The following WASF2 variants were observed in gnomAD, a reference collection of about 807,000 sequenced individuals.
WASF2 encodes the protein WASP family member 2, also known as actin-binding protein WASF2.
A neutral mutation model predicts 45.0 loss-of-function variants in WASF2; 14 were observed. The ratio of observed to expected loss-of-function variants is 0.31; its 90% CI spans 0.21 to 0.49. WASF2 has a LOEUF of 0.49. WASF2 is among the 20% of genes least tolerant of loss of function. The probability of loss-of-function intolerance (pLI) is 0.99; values close to 1 mark genes in which losing one functional copy is unlikely to be tolerated. For missense variants in WASF2, 439 were observed against 636.1 expected (o/e 0.69, Z 3.33); for synonymous variants, 200 against 236.3 (o/e 0.85, Z 1.41).
At chr1:27,421,493 T>C (rs769314280) in intron 2 of WASF2, among the ~76,000 whole-genome samples, 19 of 151,414 alleles carry the variant, frequency 1.3e-4, no homozygotes, top group Non-Finnish European at 2.2e-4. Flanking sequence ...GCATGGGCAA[T>C]ATGGCAAAAC....
intron 2 of WASF2, among the ~76,000 whole-genome samples, chr1:27,424,699 T>C (rs956372690): frequency 1.3e-5 from 2 of 152,176 alleles, no homozygotes; most frequent in African/African-American, 4.8e-5. Context: ...TTCGTTTATA[T>C]TTTGTAGAGA....
chr1:27,419,208 C>T, intron 2 of WASF2, 120 bp from the exon 3 acceptor site: 2 of 1,102,444 alleles, frequency 1.8e-6, no homozygotes, highest in Admixed American at 2.2e-5. Context: ...ACACACATAC[C>T]CTAAGACGGT....
At chr1:27,467,631 CG>C (rs1198088543) in intron 1 of WASF2, among the ~76,000 whole-genome samples, 1 of 149,758 alleles carries the variant, frequency 6.7e-6, no homozygotes, top group African/African-American at 2.4e-5. Flanking sequence ...AATGAATTTC[CG>C]GGGGGCGCAG....
chr1:27,452,281 A>C (rs533275937), intron 1 of WASF2, among the ~76,000 whole-genome samples: 1 of 152,260 alleles, frequency 6.6e-6, no homozygotes, highest in Non-Finnish European at 1.5e-5. Context: ...TTGGGAGACC[A>C]AGGCGGGTGG....
chr1:27,481,298 C>T (rs372835626), intron 1 of WASF2, among the ~76,000 whole-genome samples: 15 of 151,626 alleles, frequency 9.9e-5, no homozygotes, highest in African/African-American at 3.6e-4. Flanking sequence ...AGGGAGACTC[C>T]GTATGAAAAA....
chr1:27,482,473 G>A (rs541459777), intron 1 of WASF2, among the ~76,000 whole-genome samples: 1 of 152,266 alleles, frequency 6.6e-6, no homozygotes, highest in South Asian at 2.1e-4. Context: ...TATAAGCAAT[G>A]CTGGTTATCC....
chr1:27,465,418 G>A (rs749157031), intron 1 of WASF2, among the ~76,000 whole-genome samples: 2 of 152,130 alleles, frequency 1.3e-5, no homozygotes, highest in East Asian at 1.9e-4. Flanking sequence ...AAATAACCTG[G>A]TAACACTATT....
chr1:27,462,431 C>T (rs1041030520), intron 1 of WASF2, among the ~76,000 whole-genome samples: 1 of 151,980 alleles, frequency 6.6e-6, no homozygotes, highest in African/African-American at 2.4e-5. Flanking sequence ...ATGTAAAGTT[C>T]GTATCTTTTA....
intron 1 of WASF2, chr1:27,459,528 G>T (rs1286223833): frequency 6.6e-6 from 1 of 151,322 alleles, no homozygotes; most frequent in African/African-American, 2.4e-5. Context: ...AAAGAAAACA[G>T]CCACCAAGAA....
At chr1:27,467,898 CA>C (rs1464800499) in intron 1 of WASF2, among the ~76,000 whole-genome samples, 1 of 151,568 alleles carries the variant, frequency 6.6e-6, no homozygotes, top group African/African-American at 2.4e-5. Context: ...GGTGACAGAG[CA>C]ATTTCCTGTT....
chr1:27,447,411 G>GCCAAAGGTGTA (rs1467824011), intron 1 of WASF2, among the ~76,000 whole-genome samples: 1 of 152,132 alleles, frequency 6.6e-6, no homozygotes, highest in African/African-American at 2.4e-5. Flanking sequence ...GTATTAATGA[G>GCCAAAGGTGTA]CCAAAGGTGT....
intron 2 of WASF2, among the ~76,000 whole-genome samples, chr1:27,423,273 C>A (rs999664129): frequency 4.3e-4 from 66 of 151,996 alleles, no homozygotes; most frequent in African/African-American, 1.5e-3. Flanking sequence ...TCTCAGCTCA[C>A]TGCAACCTCT....
chr1:27,425,755 C>T lies in WASF2; in HGVS notation c.130+3006G>A, dbSNP rs976052229. 2.0e-4 allele frequency among the ~76,000 whole-genome samples: 28 copies of T among 141,082 alleles called. No homozygotes were observed. In the Admixed American group the frequency reaches 2.0e-3, roughly 10 times the overall value. 92.6% of individuals were successfully genotyped at this position (141,082 alleles called of 152,430 possible). A position where few individuals can be genotyped will look rare whatever the true frequency, so the allele number is the denominator to read the frequency against. On this transcript the variant is annotated intron_variant, in intron 2 of 8. Coordinates refer to ENST00000618852, the MANE Select transcript of WASF2 (RefSeq NM_006990.5). ...CTGGGAGGCTGAGGCAGGAGAATGG[C>T]GTGAACCTGTGAGGCAGAGCTTGCA...
chr1:27,431,274 T>C (rs1000199106), intron 1 of WASF2, among the ~76,000 whole-genome samples: 3 of 152,146 alleles, frequency 2.0e-5, no homozygotes, highest in African/African-American at 7.2e-5. Context: ...ACCCCATGGG[T>C]TTTCTAGTCC....
intron 1 of WASF2, among the ~76,000 whole-genome samples, chr1:27,459,798 G>A (rs935011652): frequency 1.3e-5 from 2 of 152,088 alleles, no homozygotes; most frequent in African/African-American, 4.8e-5. Context: ...CACCCTAGTG[G>A]ATACATACTT....
intron 2 of WASF2, among the ~76,000 whole-genome samples, chr1:27,420,012 C>T (rs1307054880): frequency 6.6e-6 from 1 of 152,092 alleles, no homozygotes; most frequent in Admixed American, 6.5e-5. Flanking sequence ...TCAAGCGATT[C>T]TCATGTATTA....
At chr1:27,421,704 T>TG (rs2016910681) in intron 2 of WASF2, among the ~76,000 whole-genome samples, 1 of 152,060 alleles carries the variant, frequency 6.6e-6, no homozygotes, top group Admixed American at 6.6e-5. Flanking sequence ...TAATCCCAGC[T>TG]ACTCAGGAGG....
chr1:27,487,884 C>T (rs2017969188), intron 1 of WASF2, among the ~76,000 whole-genome samples: 1 of 148,122 alleles, frequency 6.8e-6, no homozygotes, highest in Admixed American at 7.0e-5. Flanking sequence ...CAATAAAATG[C>T]TCTGATTTTT....
chr1:27,475,702 A>G (rs1464357136), intron 1 of WASF2, among the ~76,000 whole-genome samples: 2 of 152,130 alleles, frequency 1.3e-5, no homozygotes, highest in Non-Finnish European at 2.9e-5. Flanking sequence ...ATCTTGGCTC[A>G]TTGCAACCTC....
Sources: gnomAD v4.1 joint callset for allele counts (sites outside exome capture counted in the v4.1 genomes callset) on GRCh38, gnomAD v4.1.1 for gene constraint, MANE v1.5 for transcripts, NCBI Gene and HGNC (gene_info 2026-07-23, HGNC 2026-07-21) for gene names.